Variants in MAD1L1 observed in about 807,000 individuals in gnomAD.
The protein encoded by MAD1L1 is mitotic arrest deficient 1 like 1.
In MAD1L1, 95 loss-of-function variants were observed where a neutral mutation model predicts 96.9. That is an observed-to-expected ratio of 0.98 (90% CI 0.83 to 1.16). The LOEUF (loss-of-function observed/expected upper bound fraction) is 1.16, where lower values mean the gene tolerates loss of function less well. MAD1L1 is among the 50% of genes most tolerant of loss of function. MAD1L1 has a pLI of 0.00. For missense variants in MAD1L1, 1,007 were observed against 954.4 expected (o/e 1.06, Z -0.73); for synonymous variants, 473 against 396.6 (o/e 1.19, Z -2.29).
At chr7:2,018,301 A>G (rs1329732772) in intron 12 of MAD1L1, among the ~76,000 whole-genome samples, 2 of 152,202 alleles carry the variant, frequency 1.3e-5, no homozygotes, top group Non-Finnish European at 2.9e-5. Flanking sequence ...CCTCACTGCG[A>G]AGTTCAAATG....
At chr7:2,052,557 G>T (rs1784230548) in intron 12 of MAD1L1, among the ~76,000 whole-genome samples, 1 of 152,142 alleles carries the variant, frequency 6.6e-6, no homozygotes. Context: ...CAGCTCCCTG[G>T]GGCCTAGGTA....
At chr7:2,097,979 T>C (rs1005501394) in intron 11 of MAD1L1, among the ~76,000 whole-genome samples, 3 of 152,138 alleles carry the variant, frequency 2.0e-5, no homozygotes, top group African/African-American at 4.8e-5. Context: ...AGCAGCGCGG[T>C]GTCGCACTGG....
At chr7:1,831,948 T>A (rs1782722982) in intron 18 of MAD1L1, among the ~76,000 whole-genome samples, 1 of 152,258 alleles carries the variant, frequency 6.6e-6, no homozygotes, top group East Asian at 1.9e-4. Flanking sequence ...GAGATGAACG[T>A]TGTTTCTATG....
At chr7:1,933,559 G>C (rs1473948388) in intron 17 of MAD1L1, among the ~76,000 whole-genome samples, 1 of 152,222 alleles carries the variant, frequency 6.6e-6, no homozygotes, top group Non-Finnish European at 1.5e-5. Context: ...CGCGTGGTCT[G>C]TAGGGCTGCC....
intron 15 of MAD1L1, among the ~76,000 whole-genome samples, chr7:1,964,698 A>G: frequency 6.6e-6 from 1 of 152,262 alleles, no homozygotes; most frequent in East Asian, 1.9e-4. Flanking sequence ...AGATGACGCC[A>G]ATCAAAGCAG....
intron 18 of MAD1L1, among the ~76,000 whole-genome samples, chr7:1,873,058 G>A (rs973338167): frequency 1.3e-5 from 2 of 152,252 alleles, no homozygotes; most frequent in South Asian, 2.1e-4. Flanking sequence ...ATGACGCAAC[G>A]AGTCACACAG....
intron 17 of MAD1L1, among the ~76,000 whole-genome samples, chr7:1,908,925 GCATGAGCAGCGGCCC>G (rs1159283267): frequency 6.6e-6 from 1 of 152,322 alleles, no homozygotes; most frequent in East Asian, 1.9e-4. Context: ...TGGGCGCCTG[GCATGAGCAGCGGCCC>G]CAGGGGGTCC....
At chr7:2,039,399 C>A (rs1783581408) in intron 12 of MAD1L1, among the ~76,000 whole-genome samples, 1 of 152,206 alleles carries the variant, frequency 6.6e-6, no homozygotes, top group Non-Finnish European at 1.5e-5. Context: ...GACTGCTGGT[C>A]ATATGGGAGC....
chr7:1,875,750 C>T (rs528692626), intron 18 of MAD1L1, among the ~76,000 whole-genome samples: 7 of 152,336 alleles, frequency 4.6e-5, no homozygotes, highest in Non-Finnish European at 7.4e-5. Context: ...TGTAACCGAG[C>T]GGGGCTGTGC....
chr7:2,198,273 AG>A (rs1467974623), intron 10 of MAD1L1, among the ~76,000 whole-genome samples: 1 of 152,156 alleles, frequency 6.6e-6, no homozygotes. Context: ...GATTTGTGCC[AG>A]GAAGAGCCAG....
chr7:1,997,674 C>A (rs896736302), intron 14 of MAD1L1, among the ~76,000 whole-genome samples: 1 of 152,260 alleles, frequency 6.6e-6, no homozygotes, highest in Non-Finnish European at 1.5e-5. Context: ...AGAGAAGGGG[C>A]AACCTGGAGC....
At chr7:1,992,746 C>T (rs771551979) in intron 14 of MAD1L1, among the ~76,000 whole-genome samples, 3 of 152,296 alleles carry the variant, frequency 2.0e-5, no homozygotes, top group Middle Eastern at 3.4e-3. Context: ...AGCCCCCAGG[C>T]GGCCCAGTCC....
At chr7:1,942,891 G>A (rs563393102) in intron 16 of MAD1L1, among the ~76,000 whole-genome samples, 6 of 152,298 alleles carry the variant, frequency 3.9e-5, no homozygotes, top group African/African-American at 7.2e-5. Flanking sequence ...TTACTACAAA[G>A]CCACTGCAAT....
At chr7:2,154,125 C>T (rs1789709484) in intron 10 of MAD1L1, among the ~76,000 whole-genome samples, 1 of 152,264 alleles carries the variant, frequency 6.6e-6, no homozygotes, top group South Asian at 2.1e-4. Context: ...CACTGCACTC[C>T]AGCCTGGCAA....
intron 18 of MAD1L1, among the ~76,000 whole-genome samples, chr7:1,851,357 C>G (rs1783968340): frequency 6.6e-6 from 1 of 152,206 alleles, no homozygotes; most frequent in Non-Finnish European, 1.5e-5. Context: ...CACGTTCGTC[C>G]TGGAGATGGG....
chr7:1,940,796 C>T (rs1237864464), intron 16 of MAD1L1, among the ~76,000 whole-genome samples: 1 of 152,220 alleles, frequency 6.6e-6, no homozygotes, highest in Non-Finnish European at 1.5e-5. Context: ...TTTCTTCAAC[C>T]CTTCAAAAAT....
intron 18 of MAD1L1, among the ~76,000 whole-genome samples, chr7:1,875,018 C>T (rs1395358828): frequency 6.6e-6 from 1 of 152,140 alleles, no homozygotes; most frequent in Non-Finnish European, 1.5e-5. Context: ...TTCCCCTCTG[C>T]AGGGCAGGCT....
intron 3 of MAD1L1, among the ~76,000 whole-genome samples, chr7:2,227,346 T>C (rs750218116): frequency 2.0e-5 from 3 of 152,160 alleles, no homozygotes; most frequent in African/African-American, 7.2e-5. Flanking sequence ...GGCGTTCACA[T>C]GCACATGAAA....
chr7:1,947,877 C>T (rs1454562210), intron 16 of MAD1L1, among the ~76,000 whole-genome samples: 2 of 152,188 alleles, frequency 1.3e-5, no homozygotes, highest in African/African-American at 2.4e-5. Context: ...CCTGCGGGGC[C>T]GTGTCCCACC....
Sources: allele counts gnomAD v4.1 joint callset (sites outside exome capture counted in the v4.1 genomes callset), GRCh38; gene constraint gnomAD v4.1.1; transcripts MANE v1.5; gene names NCBI Gene and HGNC (gene_info 2026-07-23, HGNC 2026-07-21).